Variants in TTYH3 observed in about 807,000 individuals in gnomAD.
TTYH3 encodes tweety family member 3, also known as protein tweety homolog 3.
A neutral mutation model predicts 68.2 loss-of-function variants in TTYH3; 23 were observed. That is an observed-to-expected ratio of 0.34 (90% CI 0.24 to 0.48). TTYH3 has a LOEUF of 0.48. Among genes scored for constraint, TTYH3 ranks in the 20% least tolerant of loss-of-function variants. The pLI is 0.99. For missense variants in TTYH3, 768 were observed against 727.7 expected, an observed-to-expected ratio of 1.06 and a Z score of -0.64; for synonymous variants, 360 against 332.8, an observed-to-expected ratio of 1.08 and a Z score of -0.89.
At position 2,649,561 on chromosome 7, in the gene TTYH3, C is replaced by T; in HGVS notation, c.723-6C>T. The T allele has an allele frequency of 6.3e-7, 1 of 1,578,780 alleles. No individual in the cohort carries two copies. The highest frequency in any genetic ancestry group is 8.6e-7 in the Non-Finnish European group (1 of 1,169,560). On this transcript the variant is annotated splice_region_variant and splice_polypyrimidine_tract_variant and intron_variant, in intron 5 of 13. Coordinates refer to ENST00000258796, the MANE Select transcript of TTYH3 (RefSeq NM_025250.3). ...GGGGGCTGCTGACTGGCTGTCTCTG[C>T]CCCAGGGTCTGCCTGCTGGGAGTCC...
chr7:2,661,836 C>T lies in TTYH3; in HGVS notation c.*97C>T, dbSNP rs1055490178. On this transcript the variant is annotated 3_prime_UTR_variant, in exon 14 of 14. Transcript: ENST00000258796. ...GGCCACCCACCGGACCCTCGCACGC[C>T]GTGCCAGGCCTGCCCCAGACGCGTC... 1.5e-5 allele frequency: 20 copies of T among 1,336,692 alleles called. No individual in the cohort carries two copies. The highest frequency in any genetic ancestry group is 5.0e-5 in the East Asian group (2 of 39,994). The allele number at this position is 1,336,692 out of a possible 1,614,324, so 82.8% of individuals were successfully genotyped here.
chr7:2,649,311 G>A (rs1038144548), intron 5 of TTYH3, among the ~76,000 whole-genome samples: 1 of 152,090 alleles, frequency 6.6e-6, no homozygotes, highest in Non-Finnish European at 1.5e-5. Flanking sequence ...AGGAGGGGCG[G>A]GGCCCCAAGA....
chr7:2,635,693 G>A lies in TTYH3; in HGVS notation c.123+3415G>A, dbSNP rs149875107. 3.1e-3 allele frequency among the ~76,000 whole-genome samples: 469 copies of A among 152,324 alleles called. 1 individual carries two copies. The highest frequency in any genetic ancestry group is 0.01 in the African/African-American group (430 of 41,562). ...CTCATTTCTGACTCCTCCATGGGCC[G>A]TGCTGGCCCTGGCAGGTGATGGTTT... is the stretch of plus-strand genomic sequence containing the variant. On this transcript the variant is annotated intron_variant, in intron 1 of 13. Coordinates refer to ENST00000258796, the MANE Select transcript of TTYH3 (RefSeq NM_025250.3).
At chr7:2,659,529 C>T (rs1786433189) in intron 13 of TTYH3, among the ~76,000 whole-genome samples, 1 of 152,252 alleles carries the variant, frequency 6.6e-6, no homozygotes. Context: ...AGTGTCCACA[C>T]ATGGCTGTTT....
intron 13 of TTYH3, among the ~76,000 whole-genome samples, chr7:2,659,534 C>G (rs1786433437): frequency 6.6e-6 from 1 of 152,230 alleles, no homozygotes. Flanking sequence ...CCACACATGG[C>G]TGTTTCAGCC....
chr7:2,643,199 C>CA (rs1785897088), intron 1 of TTYH3, among the ~76,000 whole-genome samples: 1 of 141,974 alleles, frequency 7.0e-6, no homozygotes, highest in East Asian at 2.2e-4. Context: ...ATTAAAAATA[C>CA]AAAAAATTAG....
chr7:2,660,141 C>T (rs948711485), intron 13 of TTYH3: 1 of 1,209,678 alleles, frequency 8.3e-7, no homozygotes, highest in Non-Finnish European at 1.1e-6. Flanking sequence ...TGAGCTGGGG[C>T]TCCATCTGTC....
Position 2,656,531 on chromosome 7 carries a change from A to G in TTYH3, c.1247A>G (p.Lys416Arg), listed in dbSNP as rs778143885. Residue 416 changes from lysine (K) to arginine (R), a missense_variant, in exon 11 of 14, where the codon AAG (lysine) becomes AGG (arginine). Coordinates refer to ENST00000258796, the MANE Select transcript of TTYH3 (RefSeq NM_025250.3). ...AGCGTCCCGCACACCTGGCAGCAAA[A>G]GAGGTGAGGGGCCCTGGGGGGTCGC... ...VCSVPHTWQQ[K>R]RGPDEDGEEE... 2 of 1,601,968 alleles carry G rather than the reference A, an allele frequency of 1.2e-6. No homozygotes were observed. The highest frequency in any genetic ancestry group is 3.4e-5 in the Admixed American group (2 of 58,542).
In TTYH3 at chr7:2,647,152, G is replaced by A. The variant is rs748954441; in HGVS notation, c.304G>A (p.Ala102Thr). 6.2e-7 allele frequency: 1 copy of A among 1,604,196 alleles called. No individual in the cohort carries two copies. Among genetic ancestry groups the A allele is most frequent in the Non-Finnish European group, 8.5e-7 (1 of 1,177,044 alleles). ...IATLVCSAGI[A>T]VGFYGNGETS... ...GCCCGCCCTCTCCAGCGCCGGCATC[G>A]CAGTGGGATTCTACGGCAACGGGGA... The change falls in exon 3 of 14, where the codon GCA becomes ACA. Residue 102 changes from alanine to threonine, a missense_variant. Physicochemically the swap from Ala to Thr is moderately conservative, Grantham distance 58 (BLOSUM62 0). Coordinates refer to ENST00000258796, the MANE Select transcript of TTYH3 (RefSeq NM_025250.3).
At chr7:2,658,532 C>A in intron 12 of TTYH3, 73 bp downstream of exon 12, 1 of 1,512,220 alleles carries the variant, frequency 6.6e-7, no homozygotes, top group Non-Finnish European at 8.9e-7. Flanking sequence ...TGGGCTGGGG[C>A]TAGCTCGAGG....
intron 13 of TTYH3, chr7:2,659,907 CTCTT>C (rs1179008009): frequency 2.6e-5 from 34 of 1,295,188 alleles, no homozygotes; most frequent in Admixed American, 1.2e-4. Flanking sequence ...CTCTCTCTCT[CTCTT>C]GCACCCCACC....
At chr7:2,644,130 TG>T (rs993878050) in intron 1 of TTYH3, among the ~76,000 whole-genome samples, 9 of 152,034 alleles carry the variant, frequency 5.9e-5, no homozygotes, top group African/African-American at 2.2e-4. Flanking sequence ...GCCCTGTGGA[TG>T]GAAGTGCAGA....
chr7:2,655,467 T>G (rs923711261), intron 9 of TTYH3, among the ~76,000 whole-genome samples: 1 of 152,180 alleles, frequency 6.6e-6, no homozygotes, highest in African/African-American at 2.4e-5. Flanking sequence ...TTCAGGATTG[T>G]AGTGGGTCCT....
At chr7:2,648,920 G>A (rs1266933033) in intron 5 of TTYH3, among the ~76,000 whole-genome samples, 1 of 150,224 alleles carries the variant, frequency 6.7e-6, no homozygotes, top group Admixed American at 6.6e-5. Context: ...TGGGGTGTGG[G>A]GCCCGCAGTG....
chr7:2,645,746 G>C lies in TTYH3; in HGVS notation c.124-1107G>C. 2.1e-6 allele frequency: 1 copy of C among 470,542 alleles called. No individual in the cohort carries two copies. Among genetic ancestry groups the C allele is most frequent in the East Asian group, 7.0e-5 (1 of 14,388 alleles). 29.1% of individuals were successfully genotyped at this position (470,542 alleles called of 1,614,324 possible). ...CCCAGACAGGATCAGACTCCTGATG[G>C]GGCCTCTTCCATGTTCACCCCTCAG... On this transcript the variant is annotated intron_variant, in intron 1 of 13. Transcript: ENST00000258796. The surrounding 1 kb of genome is among the most constrained non-coding windows in gnomAD (Gnocchi z 4.8).
At chr7:2,655,089 C>G (rs1042586014) in intron 9 of TTYH3, among the ~76,000 whole-genome samples, 2 of 152,310 alleles carry the variant, frequency 1.3e-5, no homozygotes, top group African/African-American at 4.8e-5. Flanking sequence ...CACAGGAATT[C>G]TGGAGGCACC....
chr7:2,642,820 T>C (rs1785884587), intron 1 of TTYH3, among the ~76,000 whole-genome samples: 1 of 151,130 alleles, frequency 6.6e-6, no homozygotes, highest in African/African-American at 2.4e-5. Flanking sequence ...CCCAGCACTT[T>C]GGGAAGCTAA....
intron 3 of TTYH3, 81 bp downstream of exon 3, chr7:2,647,334 C>G (rs1786023947): frequency 6.6e-7 from 1 of 1,509,974 alleles, no homozygotes; most frequent in Non-Finnish European, 8.8e-7. Context: ...GCGGGGCAGC[C>G]GGGACTGGGG....
chr7:2,647,322 G>T (rs1306443063), intron 3 of TTYH3, 69 bp downstream of exon 3: 1 of 1,518,660 alleles, frequency 6.6e-7, no homozygotes, highest in Non-Finnish European at 8.8e-7. Context: ...GCGCGAGGAC[G>T]GGCGGGGCAG....
Sources: gnomAD v4.1 joint callset for allele counts (sites outside exome capture counted in the v4.1 genomes callset) on GRCh38, gnomAD v4.1.1 for gene constraint, Gnocchi (gnomAD v3.1) non-coding constraint, MANE v1.5 for transcripts, NCBI Gene and HGNC (gene_info 2026-07-23, HGNC 2026-07-21) for gene names.